GPM6A: variants seen among roughly 807,000 people sequenced by gnomAD.
The protein encoded by GPM6A is neuronal membrane glycoprotein M6-a.
GPM6A carries 7 observed loss-of-function variants against 32.1 expected under a neutral mutation model. The observed-to-expected ratio is 0.22, with a 90% CI of 0.12 to 0.41. The LOEUF is 0.41. Ranked by LOEUF, GPM6A falls within the 10% of genes least tolerant of loss-of-function variation. The pLI is 1.00. For missense variants in GPM6A, 235 were observed against 347.2 expected, an observed-to-expected ratio of 0.68 and a Z score of 2.57; for synonymous variants, 130 against 123.4, an observed-to-expected ratio of 1.05 and a Z score of -0.35.
At chr4:175,969,415 A>G (rs140009615) in intron 1 of GPM6A, among the ~76,000 whole-genome samples, 166 of 152,300 alleles carry the variant, frequency 1.1e-3, no homozygotes, top group African/African-American at 3.7e-3. Context: ...GGACATTAAT[A>G]GTAATATATC....
chr4:175,962,292 G>T, intron 1 of GPM6A: 1 of 1,276,628 alleles, frequency 7.8e-7, no homozygotes, highest in Non-Finnish European at 1.1e-6. Flanking sequence ...ACAGACACCA[G>T]AAGTAAAAGT....
At chr4:175,886,632 T>TAA in intron 1 of GPM6A, among the ~76,000 whole-genome samples, 1 of 145,456 alleles carries the variant, frequency 6.9e-6, no homozygotes, top group East Asian at 2.0e-4. Flanking sequence ...CTTCATATAA[T>TAA]AAAAAGACAA....
At chr4:175,956,873 C>G (rs527871104) in intron 1 of GPM6A, among the ~76,000 whole-genome samples, 1 of 152,144 alleles carries the variant, frequency 6.6e-6, no homozygotes, top group East Asian at 1.9e-4. Context: ...ATTCATTATT[C>G]TCTAATATAA....
intron 1 of GPM6A, among the ~76,000 whole-genome samples, chr4:175,948,958 AGT>A (rs34417872): frequency 0.036 from 5,268 of 144,736 alleles, 121 homozygotes; most frequent in African/African-American, 0.072. Context: ...TTTGGTGGTA[AGT>A]GTGTGTGTGT....
intron 1 of GPM6A, among the ~76,000 whole-genome samples, chr4:175,861,179 G>A (rs1356677920): frequency 1.3e-5 from 2 of 151,926 alleles, no homozygotes; most frequent in Admixed American, 1.3e-4. Flanking sequence ...GAAATTAAAG[G>A]CACAAATACA....
chr4:175,781,692 G>A (rs1733620121), intron 1 of GPM6A, among the ~76,000 whole-genome samples: 1 of 152,074 alleles, frequency 6.6e-6, no homozygotes, highest in Admixed American at 6.6e-5. Context: ...TCACAATCTT[G>A]ATCATTCATT....
intron 3 of GPM6A, among the ~76,000 whole-genome samples, chr4:175,667,646 G>A (rs1026969235): frequency 1.3e-5 from 2 of 152,012 alleles, no homozygotes; most frequent in Non-Finnish European, 2.9e-5. Flanking sequence ...GGGCAGACTA[G>A]GTTTGGTATA....
rs115093009 is a variant in GPM6A, at chr4:175,932,470, G to A, written c.-23+69839C>T. Among the ~76,000 whole-genome samples, 777 of 152,186 alleles carry A rather than the reference G, an allele frequency of 5.1e-3. 1 individual carries two copies. Among genetic ancestry groups the A allele is most frequent in the African/African-American group, 0.017 (721 of 41,528 alleles). ...CTTGATCTCGGACTTTCCATCCTCCGTTACCGCGAGAAAATAAATTTCCAT... is the reference window on the plus strand; with the variant it reads ...CTTGATCTCGGACTTTCCATCCTCCATTACCGCGAGAAAATAAATTTCCAT... On this transcript the variant is annotated intron_variant, in intron 1 of 7. Coordinates refer to the GPM6A transcript ENST00000280187.
rs116301354 is a variant in GPM6A, at chr4:175,733,050, T to C, written c.38-31283A>G. Among the ~76,000 whole-genome samples, 649 of 152,192 alleles carry C rather than the reference T, an allele frequency of 4.3e-3. 2 individuals are homozygous for C. The highest frequency in any genetic ancestry group is 0.027 in the Middle Eastern group (8 of 294). ...ACAGACAATATAATAACGAGTGAAA[T>C]GGACATGTTACTTTCCTCATGAAGT... On this transcript the variant is annotated intron_variant, in intron 1 of 6. Transcript: ENST00000393658.
At chr4:175,731,063 T>A (rs1304420412) in intron 1 of GPM6A, among the ~76,000 whole-genome samples, 1 of 152,154 alleles carries the variant, frequency 6.6e-6, no homozygotes, top group Non-Finnish European at 1.5e-5. Context: ...CATTGGCCCA[T>A]TTCTATCAGA....
intron 1 of GPM6A, among the ~76,000 whole-genome samples, chr4:175,817,838 C>T (rs776381204): frequency 2.0e-5 from 3 of 152,264 alleles, no homozygotes; most frequent in East Asian, 1.9e-4. Context: ...TCAGTAGTCT[C>T]GTGCTGGAAT....
chr4:175,688,885 C>T (rs1744138803), intron 2 of GPM6A, among the ~76,000 whole-genome samples: 1 of 152,088 alleles, frequency 6.6e-6, no homozygotes, highest in Non-Finnish European at 1.5e-5. Context: ...CAGGGTGTCA[C>T]TCTGTCACCT....
chr4:175,833,623 T>G (rs1362728838), intron 1 of GPM6A, among the ~76,000 whole-genome samples: 1 of 152,164 alleles, frequency 6.6e-6, no homozygotes, highest in Non-Finnish European at 1.5e-5. Context: ...TTAAGATATA[T>G]TATTTTCCTA....
intron 4 of GPM6A, among the ~76,000 whole-genome samples, chr4:175,643,347 T>C (rs1741265181): frequency 6.6e-6 from 1 of 152,196 alleles, no homozygotes; most frequent in Non-Finnish European, 1.5e-5. Flanking sequence ...AATGCATTCA[T>C]CAAGATGGTA....
intron 1 of GPM6A, among the ~76,000 whole-genome samples, chr4:175,857,185 T>G (rs1259456454): frequency 6.6e-6 from 1 of 152,198 alleles, no homozygotes; most frequent in East Asian, 1.9e-4. Context: ...TAAAATGTAA[T>G]TGATTCAATA....
chr4:175,719,902 G>C (rs1485949723), intron 1 of GPM6A, among the ~76,000 whole-genome samples: 1 of 152,138 alleles, frequency 6.6e-6, no homozygotes, highest in Non-Finnish European at 1.5e-5. Flanking sequence ...TAAGGCCAGG[G>C]AAATATTAGT....
At chr4:175,935,362 A>G (rs1038561644) in intron 1 of GPM6A, among the ~76,000 whole-genome samples, 3 of 152,214 alleles carry the variant, frequency 2.0e-5, no homozygotes, top group Non-Finnish European at 4.4e-5. Flanking sequence ...GAGGCAGGAC[A>G]CTGTTTAAGG....
At chr4:175,662,221 G>A (rs1468475919) in intron 3 of GPM6A, among the ~76,000 whole-genome samples, 1 of 152,078 alleles carries the variant, frequency 6.6e-6, no homozygotes, top group Non-Finnish European at 1.5e-5. Flanking sequence ...ACGGAAGGGA[G>A]TGATTACAGG....
chr4:175,946,915 G>A (rs1739627512), intron 1 of GPM6A, among the ~76,000 whole-genome samples: 2 of 152,122 alleles, frequency 1.3e-5, no homozygotes, highest in Non-Finnish European at 1.5e-5. Flanking sequence ...TCAACTTCCT[G>A]AGAGGAAGCC....
Sources: gnomAD v4.1 joint callset for allele counts (sites outside exome capture counted in the v4.1 genomes callset) on GRCh38, gnomAD v4.1.1 for gene constraint, MANE v1.5 for transcripts, NCBI Gene and HGNC (gene_info 2026-07-23, HGNC 2026-07-21) for gene names.